SGF29: variants seen among roughly 807,000 people sequenced by gnomAD.
SGF29 encodes the protein SAGA-associated factor 29.
A neutral mutation model predicts 38.1 loss-of-function variants in SGF29; 15 were observed. The observed-to-expected ratio is 0.39, with a 90% CI of 0.26 to 0.61. The LOEUF is 0.61. SGF29 is among the 20% of genes least tolerant of loss of function. The probability of loss-of-function intolerance (pLI) is 0.49; values close to 1 mark genes in which losing one functional copy is unlikely to be tolerated. For synonymous variants in SGF29, 151 were observed against 160.8 expected, an observed-to-expected ratio of 0.94 and a Z score of 0.46; for missense variants, 184 against 394.6, an observed-to-expected ratio of 0.47 and a Z score of 4.52.
intron 4 of SGF29, among the ~76,000 whole-genome samples, chr16:28,587,584 T>A (rs1003530135): frequency 6.6e-6 from 1 of 152,216 alleles, no homozygotes; most frequent in African/African-American, 2.4e-5. Context: ...CCTGGCCTGG[T>A]GAGGTCCATG....
chr16:28,567,897 C>G (rs1018619250), intron 1 of SGF29, among the ~76,000 whole-genome samples: 18 of 152,016 alleles, frequency 1.2e-4, no homozygotes, highest in East Asian at 7.7e-4. Flanking sequence ...TTTATTTGGG[C>G]CAAGGTTGAG....
chr16:28,577,176 A>G (rs1363624085), intron 1 of SGF29, among the ~76,000 whole-genome samples: 1 of 152,144 alleles, frequency 6.6e-6, no homozygotes, highest in Non-Finnish European at 1.5e-5. Flanking sequence ...TCATTAAAAA[A>G]GAAAAAAAAA....
At chr16:28,560,137 A>T (rs1215758448) in intron 1 of SGF29, among the ~76,000 whole-genome samples, 1 of 152,048 alleles carries the variant, frequency 6.6e-6, no homozygotes, top group African/African-American at 2.4e-5. Context: ...AGGCTAAGGC[A>T]CAAGAATTGT....
intron 1 of SGF29, among the ~76,000 whole-genome samples, chr16:28,572,896 C>T (rs569338666): frequency 3.9e-5 from 6 of 152,122 alleles, no homozygotes; most frequent in East Asian, 1.9e-4. Context: ...CCCCCAGCCA[C>T]GTGTTCACAT....
intron 1 of SGF29, among the ~76,000 whole-genome samples, chr16:28,571,074 TTGA>T (rs1186999215): frequency 6.6e-6 from 1 of 152,112 alleles, no homozygotes; most frequent in African/African-American, 2.4e-5. Context: ...ATGTTGAAAC[TTGA>T]TCCCCAACAT....
Position 28,590,562 on chromosome 16 carries a change from C to T in SGF29, c.567-69C>T, listed in dbSNP as rs933091453. 1 of 1,612,166 alleles carries T rather than the reference C, an allele frequency of 6.2e-7. No individual in the cohort carries two copies. The highest frequency in any genetic ancestry group is 1.1e-5 in the South Asian group (1 of 91,000). ...TTGTGCAGGGAGCACCAGGTCCTCCCCCATCCTCACTCCCCAACAGGTACT... is the reference window on the plus strand; with the variant it reads ...TTGTGCAGGGAGCACCAGGTCCTCCTCCATCCTCACTCCCCAACAGGTACT... On this transcript the variant is annotated intron_variant, in intron 7 of 9. Coordinates refer to ENST00000317058, the MANE Select transcript of SGF29 (RefSeq NM_138414.3). This position sits in a 1 kb window ranked among gnomAD's most constrained non-coding sequence, Gnocchi z 8.2.
intron 1 of SGF29, among the ~76,000 whole-genome samples, chr16:28,564,594 CACATATATGTGTATATATATACAT>C (rs2046814521): frequency 8.3e-6 from 1 of 120,720 alleles, no homozygotes; most frequent in African/African-American, 3.2e-5. Context: ...TATATATACA[CACATATATGTGTATATATATACAT>C]ATATGCATAT....
intron 1 of SGF29, among the ~76,000 whole-genome samples, chr16:28,558,040 C>T (rs975053338): frequency 2.1e-5 from 3 of 144,598 alleles, no homozygotes; most frequent in African/African-American, 7.8e-5. Flanking sequence ...GAACTCCAGG[C>T]CTCAAGAGAT....
At chr16:28,589,382 C>A (rs1311311549) in intron 5 of SGF29, 1 of 544,400 alleles carries the variant, frequency 1.8e-6, no homozygotes, top group East Asian at 3.1e-5. Flanking sequence ...AGCCAGAGAT[C>A]ATCCCGCCCT....
Position 28,590,419 on chromosome 16 carries a change from C to T in SGF29, c.543C>T (p.Val181=). The T allele has an allele frequency of 6.2e-7, 1 of 1,613,888 alleles. No individual in the cohort carries two copies. The highest frequency in any genetic ancestry group is 8.5e-7 in the Non-Finnish European group (1 of 1,179,832). The part of the protein sequence containing the change: ...GDEQWILAEV[V]SYSHATNKYE... ...AGCAGTGGATCCTGGCCGAGGTGGT[C>T]AGTTACAGCCATGCCACCAACAAGT... The change falls in exon 7 of 10, where the codon GTC becomes GTT. Residue 181 remains valine (V), a synonymous_variant. Coordinates refer to ENST00000317058, the MANE Select transcript of SGF29 (RefSeq NM_138414.3). The surrounding 1 kb of genome is among the most constrained non-coding windows in gnomAD (Gnocchi z 8.2).
At chr16:28,581,406 A>G (rs980455774) in intron 2 of SGF29, among the ~76,000 whole-genome samples, 6 of 152,350 alleles carry the variant, frequency 3.9e-5, no homozygotes, top group African/African-American at 1.2e-4. Flanking sequence ...TTTAAAGTGT[A>G]TAATCCAGTG....
At position 28,590,247 on chromosome 16, in the gene SGF29, G is replaced by A. The variant is rs2046980436; in HGVS notation, c.419+22G>A. The A allele has an allele frequency of 6.2e-6, 10 of 1,609,828 alleles. No homozygotes were observed. Among genetic ancestry groups the A allele is most frequent in the Non-Finnish European group, 8.5e-6 (10 of 1,178,380 alleles). On this transcript the variant is annotated intron_variant, in intron 6 of 9. Transcript: ENST00000317058. This position sits in a 1 kb window ranked among gnomAD's most constrained non-coding sequence, Gnocchi z 8.2. Reference sequence around the variant, plus strand: ...ACAAGTGAGGGCAGCAGCTGCGAGGGAGGGGCTGGTGCCCAGGGGCTGGGA... The same window carrying A: ...ACAAGTGAGGGCAGCAGCTGCGAGGAAGGGGCTGGTGCCCAGGGGCTGGGA...
Position 28,564,749 on chromosome 16 carries a change from ATATATGTATATATG to A in SGF29, c.-16+10658_-16+10671del, listed in dbSNP as rs2046824133. 4.1e-5 allele frequency among the ~76,000 whole-genome samples: 3 copies of A among 73,768 alleles called. No homozygotes were observed. In the Admixed American group the frequency reaches 6.0e-4, roughly 15 times the overall value. 48.4% of individuals were successfully genotyped at this position (73,768 alleles called of 152,430 possible). ...TATACATATATATGTATATATGTATATATATGTATATATGTATATATATGTATATATATATATAC... is the reference window on the plus strand; with the variant it reads ...TATACATATATATGTATATATGTATATATATATATGTATATATATATATAC... On this transcript the variant is annotated intron_variant, in intron 1 of 9. Coordinates refer to ENST00000317058, the MANE Select transcript of SGF29 (RefSeq NM_138414.3).
In SGF29 at chr16:28,571,359, C is replaced by T. The variant is rs573304407; in HGVS notation, c.-15-9696C>T. On this transcript the variant is annotated intron_variant, in intron 1 of 9. Transcript: ENST00000317058. ...CTGTAATCTCAGCACATTGGGAAGC[C>T]GAGGCAGGTGGATCACCTGAGGTCA... Among the ~76,000 whole-genome samples, 6 of 152,020 alleles carry T rather than the reference C, an allele frequency of 3.9e-5. No individual in the cohort carries two copies. In the East Asian group the frequency reaches 9.7e-4, roughly 25 times the overall value.
chr16:28,591,085 C>A, intron 9 of SGF29, 150 bp downstream of exon 9: 1 of 1,064,142 alleles, frequency 9.4e-7, no homozygotes, highest in Non-Finnish European at 1.3e-6. Flanking sequence ...CTCTTCCACT[C>A]CAGCCCCAAA....
chr16:28,575,882 C>T (rs1262971065), intron 1 of SGF29, among the ~76,000 whole-genome samples: 1 of 152,142 alleles, frequency 6.6e-6, no homozygotes, highest in Non-Finnish European at 1.5e-5. Flanking sequence ...TGGTGGCTCA[C>T]ACGTGTAATC....
Position 28,554,110 on chromosome 16 carries a change from G to A in SGF29, c.-16+13G>A, listed in dbSNP as rs966338167. The A allele has an allele frequency of 4.6e-5, 7 of 152,338 alleles. No individual in the cohort carries two copies. Among genetic ancestry groups the A allele is most frequent in the African/African-American group, 1.4e-4 (6 of 41,454 alleles). 9.4% of individuals were successfully genotyped at this position (152,338 alleles called of 1,614,324 possible). A position where few individuals can be genotyped will look rare whatever the true frequency, so the allele number is the denominator to read the frequency against. On this transcript the variant is annotated intron_variant, in intron 1 of 9. Transcript: ENST00000317058. The stretch of plus-strand genomic sequence containing the variant: ...TGTCCCGGACTCGGTAGGTGGCGAC[G>A]GGCCGTGGCCTGAGACCTCCGGCGA...
rs138441140 is a variant in SGF29, at chr16:28,581,221, G to T, written c.75+77G>T. On this transcript the variant is annotated intron_variant, in intron 2 of 9. Transcript: ENST00000317058. The stretch of plus-strand genomic sequence containing the variant: ...GAGCCGTGAAGTGGGGGTGGCATTT[G>T]TGTTCAGAGAGATTGGACTCGCAGG... 1.7e-5 allele frequency: 24 copies of T among 1,380,056 alleles called. No individual in the cohort carries two copies. The East Asian group carries it at 4.4e-4, about 25-fold the overall frequency. The allele number at this position is 1,380,056 out of a possible 1,614,324, so 85.5% of individuals were successfully genotyped here. A position where few individuals can be genotyped will look rare whatever the true frequency, so the allele number is the denominator to read the frequency against.
intron 1 of SGF29, among the ~76,000 whole-genome samples, chr16:28,560,821 C>T (rs1369790732): frequency 4.0e-5 from 6 of 151,464 alleles, no homozygotes; most frequent in Non-Finnish European, 8.8e-5. Context: ...ATTAGCTGGG[C>T]GTGGTGGCGG....
Sources: gnomAD v4.1 joint callset for allele counts (sites outside exome capture counted in the v4.1 genomes callset) on GRCh38, gnomAD v4.1.1 for gene constraint, Gnocchi (gnomAD v3.1) non-coding constraint, MANE v1.5 for transcripts, NCBI Gene and HGNC (gene_info 2026-07-23, HGNC 2026-07-21) for gene names.